The following FBXO9 variants were observed in gnomAD, a reference collection of about 807,000 sequenced individuals.
FBXO9 encodes F-box only protein 9.
Under a neutral mutation model 63.7 loss-of-function variants are expected in FBXO9, and 43 were observed. The observed-to-expected ratio is 0.67, with a 90% CI of 0.53 to 0.87. The LOEUF is 0.87. Ranked by LOEUF, FBXO9 falls within the 40% of genes least tolerant of loss-of-function variation. The pLI is 0.00. For synonymous variants in FBXO9, 156 were observed against 171.7 expected, an observed-to-expected ratio of 0.91 and a Z score of 0.72; for missense variants, 442 against 533.2, an observed-to-expected ratio of 0.83 and a Z score of 1.68.
chr6:53,094,514 C>G (rs547989523), intron 11 of FBXO9, among the ~76,000 whole-genome samples: 1 of 152,134 alleles, frequency 6.6e-6, no homozygotes, highest in African/African-American at 2.4e-5. Flanking sequence ...ATTTTTTCAC[C>G]TTTCTCCATA....
At position 53,076,497 on chromosome 6, in the gene FBXO9, C is replaced by G; in HGVS notation, c.261C>G (p.Leu87=). The G allele has an allele frequency of 1.9e-6, 3 of 1,544,824 alleles. No homozygotes were observed. Among genetic ancestry groups the G allele is most frequent in the Non-Finnish European group, 2.6e-6 (3 of 1,155,746 alleles). Residue 87 remains leucine (L), a synonymous_variant, in exon 4 of 13, where the codon CTC becomes CTG. Coordinates refer to ENST00000323557, the MANE Select transcript of FBXO9 (RefSeq NM_033480.3). ...TTATATTTTTATAGGCTCGAGAACT[C>G]TTCCTAAAAGCAGTAGAAGAAGAAC... is the stretch of plus-strand genomic sequence containing the variant. ...EQAKEEKARE[L]FLKAVEEEQN...
At chr6:53,071,033 A>G (rs760399016) in intron 1 of FBXO9, 24 bp from the exon 2 acceptor site, 7 of 1,560,060 alleles carry the variant, frequency 4.5e-6, no homozygotes, top group South Asian at 1.2e-5. Context: ...TATGCCTGAC[A>G]TTATTTGGGT....
chr6:53,093,154 T>A, intron 9 of FBXO9: 1 of 392,300 alleles, frequency 2.5e-6, no homozygotes, highest in Non-Finnish European at 4.5e-6. Context: ...TGTGTGTGGC[T>A]CTCACTTTGT....
intron 4 of FBXO9, among the ~76,000 whole-genome samples, chr6:53,076,788 T>C (rs1769127310): frequency 1.9e-5 from 1 of 52,182 alleles, no homozygotes. Context: ...TATTATACTG[T>C]ATTTTTTTTT....
chr6:53,095,767 A>G (rs1489016179), intron 12 of FBXO9, 103 bp downstream of exon 12: 3 of 1,140,306 alleles, frequency 2.6e-6, no homozygotes, highest in African/African-American at 3.1e-5. Context: ...AGTTAACACT[A>G]CATTACAAAC....
chr6:53,078,636 G>A (rs1375909773), intron 4 of FBXO9, among the ~76,000 whole-genome samples, 163 bp from the exon 5 acceptor site: 6 of 152,278 alleles, frequency 3.9e-5, no homozygotes, highest in South Asian at 2.1e-4. Flanking sequence ...TGAGCATTAA[G>A]GTTTGGAAAT....
At chr6:53,077,677 T>C (rs1257451463) in intron 4 of FBXO9, among the ~76,000 whole-genome samples, 5 of 152,146 alleles carry the variant, frequency 3.3e-5, no homozygotes, top group African/African-American at 1.2e-4. Context: ...CGTTTGAAAA[T>C]GCCCCAAAAC....
chr6:53,071,132 A>G lies in FBXO9; in HGVS notation c.79A>G (p.Thr27Ala). Residue 27 changes from threonine to alanine, a missense_variant, in exon 2 of 13, where the codon ACA (threonine) becomes GCA (alanine). By Grantham distance (58) the Thr-to-Ala change is moderately conservative. Transcript: ENST00000323557. ...TGAAGAAAATGAAAGTCCTGCTGAA[A>G]CAGATCTGCAGGCATGTTTCTTCAA... ...DDEENESPAE[T>A]DLQAQLQMFR... 6.4e-7 allele frequency: 1 copy of G among 1,559,366 alleles called. No individual in the cohort carries two copies. Among genetic ancestry groups the G allele is most frequent in the Non-Finnish European group, 8.7e-7 (1 of 1,150,062 alleles).
chr6:53,081,341 G>A (rs373924208), intron 6 of FBXO9, among the ~76,000 whole-genome samples: 6 of 152,058 alleles, frequency 3.9e-5, no homozygotes, highest in Non-Finnish European at 5.9e-5. Context: ...GTGCAATCTC[G>A]GCTCACTGCA....
chr6:53,079,156 G>C lies in FBXO9; in HGVS notation c.407+258G>C, dbSNP rs144629521. ...AAAACGGTTTAAAAAAATAAAAGCA[G>C]TAGTTACTGAAAGGAGTAAATTAAA... On this transcript the variant is annotated intron_variant, in intron 5 of 12. Transcript: ENST00000323557. Among the ~76,000 whole-genome samples the C allele has an allele frequency of 3.5e-3, 532 of 152,236 alleles. 5 individuals carry two copies. Among genetic ancestry groups the C allele is most frequent in the African/African-American group, 0.012 (507 of 41,548 alleles).
chr6:53,069,992 A>G (rs1463788352), intron 1 of FBXO9, among the ~76,000 whole-genome samples: 1 of 148,590 alleles, frequency 6.7e-6, no homozygotes, highest in African/African-American at 2.6e-5. Context: ...TTCTAAGAAG[A>G]ATAATATTTT....
rs1405792734 is a variant in FBXO9 at position 53,100,057 on chromosome 6, A to G, written c.*2227A>G. 2 of 152,200 alleles carry G rather than the reference A, an allele frequency of 1.3e-5. 1 individual carries two copies. The highest frequency in any genetic ancestry group is 2.9e-5 in the Non-Finnish European group (2 of 68,032). The allele number at this position is 152,200 out of a possible 1,614,324, so 9.4% of individuals were successfully genotyped here. A position where few individuals can be genotyped will look rare whatever the true frequency, so the allele number is the denominator to read the frequency against. The stretch of plus-strand genomic sequence containing the variant: ...CTTTGTAAGCAGTAAAGTGACTTTC[A>G]CTTATTTAACTTAGAACTGGAAAAA... On this transcript the variant is annotated 3_prime_UTR_variant, in exon 13 of 13. Transcript: ENST00000323557.
chr6:53,092,867 C>G, intron 9 of FBXO9, 43 bp downstream of exon 9: 1 of 1,346,566 alleles, frequency 7.4e-7, no homozygotes, highest in Non-Finnish European at 1.0e-6. Context: ...TTCTCTCTCT[C>G]CATGTATTAG....
chr6:53,065,923 A>G (rs1160361539), intron 1 of FBXO9, 131 bp downstream of exon 1: 2 of 1,186,824 alleles, frequency 1.7e-6, no homozygotes, highest in East Asian at 6.4e-5. Context: ...GCCACCCGTT[A>G]GAGGGCCCTG....
At chr6:53,092,227 G>A (rs1050698511) in intron 7 of FBXO9, 4 of 508,344 alleles carry the variant, frequency 7.9e-6, no homozygotes, top group East Asian at 3.3e-5. Flanking sequence ...TGCACTAAGC[G>A]TACTACCAGA....
Position 53,073,437 on chromosome 6 carries a change from G to A in FBXO9, c.91-44G>A, listed in dbSNP as rs772478686. The A allele has an allele frequency of 3.8e-6, 6 of 1,576,530 alleles. No individual in the cohort carries two copies. In the South Asian group the frequency reaches 5.7e-5, roughly 15 times the overall value. On this transcript the variant is annotated intron_variant, in intron 2 of 12. Transcript: ENST00000323557. ...TATTGATACATTGTTCCAGAGTTGA[G>A]CTACCCTTCCTTGATGAGTCCTAAA...
rs752643132 is a variant in FBXO9, at chr6:53,092,819, T to TTACAGGTACAACTGTAG, written c.863_863+16dup. The TTACAGGTACAACTGTAG allele has an allele frequency of 3.1e-6, 5 of 1,604,910 alleles. No homozygotes were observed. The East Asian group carries it at 1.1e-4, about 36-fold the overall frequency. On this transcript the variant is annotated frameshift_variant, in exon 9 of 13. Transcript: ENST00000323557. LOFTEE classifies it high-confidence loss of function. ...ATAGAGCCTGGCACCAAGTGGAATATTACAGGTACAACTGTAGTACACTGA... is the reference window on the plus strand; with the variant it reads ...ATAGAGCCTGGCACCAAGTGGAATATTACAGGTACAACTGTAGTACAGGTACAACTGTAGTACACTGA...
At chr6:53,067,454 T>C (rs1389590279) in intron 1 of FBXO9, among the ~76,000 whole-genome samples, 1 of 152,038 alleles carries the variant, frequency 6.6e-6, no homozygotes, top group Admixed American at 6.5e-5. Context: ...AAAATGCTTC[T>C]GACTAAGATG....
In FBXO9 at chr6:53,070,917, C is replaced by T. The variant is rs1163649951; in HGVS notation, c.4-140C>T. On this transcript the variant is annotated intron_variant, in intron 1 of 12. Transcript: ENST00000323557. ...ATAGTAAGGTCTCAAGTGCCCCCTA[C>T]AGCCTTGCTACTCAAAGTGGGTTCC... 6 of 1,403,774 alleles carry T rather than the reference C, an allele frequency of 4.3e-6. No individual in the cohort carries two copies. In the Admixed American group the frequency reaches 1.2e-4, roughly 28 times the overall value. The allele number at this position is 1,403,774 out of a possible 1,614,324, so 87.0% of individuals were successfully genotyped here. A position where few individuals can be genotyped will look rare whatever the true frequency, so the allele number is the denominator to read the frequency against.
Sources: allele counts gnomAD v4.1 joint callset (sites outside exome capture counted in the v4.1 genomes callset), GRCh38; gene constraint gnomAD v4.1.1; transcripts MANE v1.5; gene names NCBI Gene and HGNC (gene_info 2026-07-23, HGNC 2026-07-21).